SPATA31H1: variants seen among roughly 807,000 people sequenced by gnomAD.
SPATA31H1 encodes SPATA31 subfamily H member 1, also known as spermatogenesis-associated protein 31H1.
At chr2:27,570,608 A>T in the SPATA31H1 span, 1 of 398,896 alleles carries the variant, frequency 2.5e-6, no homozygotes. Flanking sequence ...TTGATTTAGT[A>T]CCAGGAACTC....
At chr2:27,569,311 A>G in the SPATA31H1 span, 32 of 398,974 alleles carry the variant, frequency 8.0e-5, no homozygotes, top group Non-Finnish European at 8.4e-5. Flanking sequence ...GAAGTTACTG[A>G]GTTGTCAGAG....
the SPATA31H1 span, among the ~76,000 whole-genome samples, chr2:27,563,546 C>A: frequency 6.6e-6 from 1 of 150,880 alleles, no homozygotes; most frequent in East Asian, 1.9e-4. Context: ...CAGGCACACA[C>A]CACCACACCC....
chr2:27,582,264 G>A, the SPATA31H1 span: 1 of 1,613,832 alleles, frequency 6.2e-7, no homozygotes, highest in Non-Finnish European at 8.5e-7. Context: ...GAGGACCTCT[G>A]AGAGGAGCCA....
At chr2:27,577,808 A>T in the SPATA31H1 span, 1 of 1,614,152 alleles carries the variant, frequency 6.2e-7, no homozygotes, top group East Asian at 2.2e-5. The surrounding 1 kb of genome is among the most constrained non-coding windows in gnomAD (Gnocchi z 4.5). Context: ...AATGGCTACA[A>T]ATGGAGGAAT....
the SPATA31H1 span, chr2:27,571,798 C>T: frequency 1.7e-3 from 668 of 398,442 alleles, 15 homozygotes; most frequent in East Asian, 0.021. Flanking sequence ...TGTGTAAAAC[C>T]TGTAAAGTTG....
At chr2:27,581,195 C>T in the SPATA31H1 span, 1 of 1,614,220 alleles carries the variant, frequency 6.2e-7, no homozygotes, top group South Asian at 1.1e-5. Context: ...AGCATAACCA[C>T]CCCAGCTTCT....
chr2:27,566,263 A>G, the SPATA31H1 span: 40 of 713,704 alleles, frequency 5.6e-5, 1 homozygote, highest in Middle Eastern at 4.1e-3. Context: ...AACTTCAATT[A>G]CATTGACATA....
chr2:27,538,109 C>G, the SPATA31H1 span, among the ~76,000 whole-genome samples: 3 of 152,106 alleles, frequency 2.0e-5, no homozygotes, highest in South Asian at 2.1e-4. Context: ...TGTAGGGACT[C>G]AGAGAGAGAA....
the SPATA31H1 span, among the ~76,000 whole-genome samples, chr2:27,546,539 C>A: frequency 7.9e-5 from 12 of 151,940 alleles, no homozygotes; most frequent in South Asian, 4.1e-4. Context: ...CGTTCTTATT[C>A]TTTTTCTTAT....
At chr2:27,581,152 A>AC in the SPATA31H1 span, 1 of 1,614,234 alleles carries the variant, frequency 6.2e-7, no homozygotes, top group Non-Finnish European at 8.5e-7. Context: ...AGAACCTGGC[A>AC]CCGACATCTT....
the SPATA31H1 span, among the ~76,000 whole-genome samples, chr2:27,549,441 G>A: frequency 5.3e-5 from 8 of 151,680 alleles, no homozygotes; most frequent in African/African-American, 1.9e-4. Context: ...GGGCTCAAGT[G>A]ATCCGACCAC....
At chr2:27,577,405 G>A in the SPATA31H1 span, 2 of 1,613,962 alleles carry the variant, frequency 1.2e-6, no homozygotes, top group Non-Finnish European at 1.7e-6. The surrounding 1 kb of genome is among the most constrained non-coding windows in gnomAD (Gnocchi z 4.5). Flanking sequence ...GAAGCTATGG[G>A]GTTGACCGCT....
the SPATA31H1 span, chr2:27,579,436 T>C: frequency 2.5e-6 from 4 of 1,614,106 alleles, no homozygotes; most frequent in African/African-American, 1.3e-5. Context: ...CAGCCTTCTG[T>C]GGTCAAAAAC....
At chr2:27,554,334 A>G in the SPATA31H1 span, among the ~76,000 whole-genome samples, 1 of 151,880 alleles carries the variant, frequency 6.6e-6, no homozygotes, top group Non-Finnish European at 1.5e-5. Flanking sequence ...CAGCACCCTC[A>G]CTTCTTGGTA....
the SPATA31H1 span, chr2:27,580,087 T>C: frequency 6.2e-7 from 1 of 1,614,134 alleles, no homozygotes; most frequent in Admixed American, 1.7e-5. Flanking sequence ...AGGCTGAGAA[T>C]TGGGAAAAGA....
the SPATA31H1 span, chr2:27,579,577 C>A: frequency 6.2e-7 from 1 of 1,614,186 alleles, no homozygotes; most frequent in South Asian, 1.1e-5. Flanking sequence ...AAGACAAACT[C>A]AACGTTCAAT....
the SPATA31H1 span, chr2:27,575,981 A>G: frequency 5.0e-6 from 2 of 398,662 alleles, no homozygotes; most frequent in African/African-American, 2.1e-5. The surrounding 1 kb of genome is among the most constrained non-coding windows in gnomAD (Gnocchi z 4.1). Context: ...TCAACCCTAT[A>G]CCACATTTGC....
the SPATA31H1 span, chr2:27,574,582 T>G: frequency 2.5e-6 from 1 of 398,308 alleles, no homozygotes; most frequent in South Asian, 1.3e-4. Context: ...GGGACAAGGC[T>G]TCAAAGTATG....
chr2:27,561,498 A>G, the SPATA31H1 span, among the ~76,000 whole-genome samples: 1 of 152,090 alleles, frequency 6.6e-6, no homozygotes, highest in Non-Finnish European at 1.5e-5. Context: ...CTTCTTTTTC[A>G]GCAATTATGC....
Sources: gnomAD v4.1 joint callset for allele counts (sites outside exome capture counted in the v4.1 genomes callset) on GRCh38, gnomAD v4.1.1 for gene constraint, Gnocchi (gnomAD v3.1) non-coding constraint, MANE v1.5 for transcripts, NCBI Gene and HGNC (gene_info 2026-07-23, HGNC 2026-07-21) for gene names.